Variants in KLF7 observed in about 807,000 individuals in gnomAD.
The protein encoded by KLF7 is KLF transcription factor 7.
Under a neutral mutation model 27.3 loss-of-function variants are expected in KLF7, and 2 were observed. The observed-to-expected ratio is 0.07, with a 90% CI of 0.03 to 0.23. KLF7 has a LOEUF of 0.23. Among genes scored for constraint, KLF7 ranks in the 10% least tolerant of loss-of-function variants. The probability of loss-of-function intolerance (pLI) is 1.00; values close to 1 mark genes in which losing one functional copy is unlikely to be tolerated. For missense variants in KLF7, 221 were observed against 394.1 expected (o/e 0.56, Z 3.72); for synonymous variants, 165 against 162.4 (o/e 1.02, Z -0.12).
At chr2:207,119,305 G>A (rs887200667) in intron 2 of KLF7, among the ~76,000 whole-genome samples, 2 of 152,172 alleles carry the variant, frequency 1.3e-5, no homozygotes, top group African/African-American at 4.8e-5. Flanking sequence ...TTTCAAATTT[G>A]AAAAGTCTGT....
chr2:207,081,369 A>G, intron 3 of KLF7, 105 bp from the exon 4 acceptor site: 1 of 1,001,458 alleles, frequency 1.0e-6, no homozygotes, highest in Non-Finnish European at 1.6e-6. Flanking sequence ...GAGACAGTGC[A>G]CATGCATTGA....
chr2:207,120,251 A>T (rs922109186), intron 2 of KLF7, among the ~76,000 whole-genome samples: 2 of 152,238 alleles, frequency 1.3e-5, no homozygotes, highest in African/African-American at 4.8e-5. Context: ...CATCCTCAAA[A>T]AACAGCCACA....
chr2:207,114,672 G>A (rs1177193447), intron 2 of KLF7, among the ~76,000 whole-genome samples: 4 of 152,104 alleles, frequency 2.6e-5, no homozygotes, highest in Non-Finnish European at 4.4e-5. Flanking sequence ...CAATATTAGA[G>A]CAAACTATAG....
chr2:207,111,022 C>T (rs1218399586), intron 2 of KLF7, among the ~76,000 whole-genome samples: 2 of 152,098 alleles, frequency 1.3e-5, no homozygotes, highest in African/African-American at 4.8e-5. Flanking sequence ...CCCTCTACTT[C>T]CCAGATGCCA....
chr2:207,151,719 A>G (rs1417977935), intron 1 of KLF7, among the ~76,000 whole-genome samples: 2 of 107,416 alleles, frequency 1.9e-5, no homozygotes, highest in Non-Finnish European at 4.0e-5. Flanking sequence ...GTTTTGAAAA[A>G]TTTTACACAC....
At chr2:207,165,980 G>C (rs2078696934), upstream of KLF7, 2 of 997,980 alleles carry the variant, frequency 2.0e-6, no homozygotes, top group Admixed American at 5.8e-5. Flanking sequence ...TCTTTATTTT[G>C]GGAGGTTGCA....
rs560235516 is a variant in KLF7, at chr2:207,159,422, T to C, written c.102+6045A>G. Among the ~76,000 whole-genome samples, 11 of 152,352 alleles carry C rather than the reference T, an allele frequency of 7.2e-5. No homozygotes were observed. The South Asian group carries it at 2.1e-3, about 29-fold the overall frequency. Reference sequence around the variant, plus strand: ...GTCAGTGTTCCAACACAGAACTGAATGTTTCTTTCTTTCTTTCCTTCTTTC... The same window carrying C: ...GTCAGTGTTCCAACACAGAACTGAACGTTTCTTTCTTTCTTTCCTTCTTTC... On this transcript the variant is annotated intron_variant, in intron 1 of 3. Transcript: ENST00000309446.
chr2:207,096,143 A>AC (rs2076623059), intron 2 of KLF7, among the ~76,000 whole-genome samples: 1 of 152,308 alleles, frequency 6.6e-6, no homozygotes, highest in Admixed American at 6.5e-5. Flanking sequence ...GCACTCTCCC[A>AC]GGCTCAAAAT....
At chr2:207,085,834 T>C (rs1227042063) in intron 3 of KLF7, among the ~76,000 whole-genome samples, 1 of 152,202 alleles carries the variant, frequency 6.6e-6, no homozygotes, top group Non-Finnish European at 1.5e-5. Context: ...AGTCATCACA[T>C]GGCTATGGCA....
chr2:207,163,402 G>A (rs1394984339), intron 1 of KLF7, among the ~76,000 whole-genome samples: 1 of 152,190 alleles, frequency 6.6e-6, no homozygotes, highest in Non-Finnish European at 1.5e-5. Context: ...GAATGGGGAG[G>A]AGGCAGAGGA....
intron 3 of KLF7, among the ~76,000 whole-genome samples, chr2:207,085,670 G>A (rs1023588182): frequency 2.0e-5 from 3 of 152,110 alleles, no homozygotes; most frequent in Non-Finnish European, 4.4e-5. Flanking sequence ...CAGCACTCTT[G>A]GGCTATCTGT....
chr2:207,098,211 A>G (rs990798700), intron 2 of KLF7, among the ~76,000 whole-genome samples: 6 of 152,162 alleles, frequency 3.9e-5, no homozygotes, highest in African/African-American at 1.4e-4. Flanking sequence ...AATTATTTTT[A>G]TCAGCTTTTT....
In KLF7 at chr2:207,093,258, A is replaced by G. The variant is rs115121107; in HGVS notation, c.734-4677T>C. ...GGTTAAGATGAAATTAAAGTGTAAA[A>G]GTTCCAATGGTTTTCTATCGTTCTC... On this transcript the variant is annotated intron_variant, in intron 2 of 3. Transcript: ENST00000309446. 9.1e-3 allele frequency among the ~76,000 whole-genome samples: 1,391 copies of G among 152,322 alleles called. 22 individuals are homozygous for G. The highest frequency in any genetic ancestry group is 0.031 in the African/African-American group (1,285 of 41,564).
intron 1 of KLF7, among the ~76,000 whole-genome samples, chr2:207,146,707 T>C (rs2078106237): frequency 1.3e-5 from 2 of 151,736 alleles, no homozygotes; most frequent in South Asian, 4.2e-4. Context: ...GTGGTAGCAT[T>C]GGAAGAAAAA....
chr2:207,171,322 G>C (rs552386903), upstream of KLF7, among the ~76,000 whole-genome samples: 1 of 152,136 alleles, frequency 6.6e-6, no homozygotes, highest in Non-Finnish European at 1.5e-5. Flanking sequence ...TCTTTTCTGA[G>C]ATGGAATCTA....
chr2:207,173,725 T>C, the KLF7 span: 1 of 152,328 alleles, frequency 6.6e-6, no homozygotes, highest in South Asian at 2.1e-4. Context: ...TTGTGAGTTA[T>C]GGGCGTGTGA....
At chr2:207,163,666 C>A (rs1181193782) in intron 1 of KLF7, among the ~76,000 whole-genome samples, 2 of 152,270 alleles carry the variant, frequency 1.3e-5, no homozygotes, top group East Asian at 1.9e-4. Flanking sequence ...CAAATAAAGC[C>A]AACTTTCTTC....
chr2:207,106,070 G>A (rs2076876604), intron 2 of KLF7, among the ~76,000 whole-genome samples: 1 of 152,182 alleles, frequency 6.6e-6, no homozygotes, highest in Non-Finnish European at 1.5e-5. Flanking sequence ...TAATTAGTAT[G>A]ATTAATTACT....
intron 2 of KLF7, chr2:207,122,007 G>C (rs200893781): frequency 2.0e-5 from 3 of 152,200 alleles, no homozygotes; most frequent in African/African-American, 7.2e-5. Flanking sequence ...TGCCTTCTCC[G>C]GTTTCCTGGA....
Sources: gnomAD v4.1 joint callset for allele counts (sites outside exome capture counted in the v4.1 genomes callset) on GRCh38, gnomAD v4.1.1 for gene constraint, MANE v1.5 for transcripts, NCBI Gene and HGNC (gene_info 2026-07-23, HGNC 2026-07-21) for gene names.